KIAA1217: variants seen among roughly 807,000 people sequenced by gnomAD.
KIAA1217 encodes sickle tail protein homolog.
A neutral mutation model predicts 163.9 loss-of-function variants in KIAA1217; 88 were observed. That is an observed-to-expected ratio of 0.54 (90% confidence interval 0.45 to 0.64). The LOEUF is 0.64. Among genes scored for constraint, KIAA1217 ranks in the 30% least tolerant of loss-of-function variants. The pLI is 0.00. For missense variants in KIAA1217, 2,372 were observed against 2,475.0 expected (o/e 0.96, Z 0.88); for synonymous variants, 903 against 923.1 (o/e 0.98, Z 0.39).
chr10:23,941,105 G>A (rs1843746129), intron 1 of KIAA1217, among the ~76,000 whole-genome samples: 1 of 152,160 alleles, frequency 6.6e-6, no homozygotes, highest in Non-Finnish European at 1.5e-5. Flanking sequence ...TACTTACTTA[G>A]GCATGGGCAA....
chr10:24,298,282 T>C (rs1590726261), intron 2 of KIAA1217, among the ~76,000 whole-genome samples: 1 of 149,562 alleles, frequency 6.7e-6, no homozygotes, highest in South Asian at 2.1e-4. Flanking sequence ...TCCTTATTTG[T>C]TTAGAAATTT....
intron 6 of KIAA1217, chr10:24,481,890 A>G (rs560883592): frequency 1.3e-5 from 2 of 152,322 alleles, no homozygotes; most frequent in African/African-American, 4.8e-5. Flanking sequence ...AAGACCAACT[A>G]GTCTCTATCC....
At chr10:24,286,847 C>T (rs2078592007) in intron 2 of KIAA1217, among the ~76,000 whole-genome samples, 1 of 152,102 alleles carries the variant, frequency 6.6e-6, no homozygotes, top group Non-Finnish European at 1.5e-5. Context: ...AACAAAAATA[C>T]CCACACCCTC....
intron 1 of KIAA1217, among the ~76,000 whole-genome samples, chr10:23,907,710 C>G (rs1173337078): frequency 6.6e-6 from 1 of 152,004 alleles, no homozygotes; most frequent in Non-Finnish European, 1.5e-5. Context: ...CTCAGCCTAC[C>G]GACTCAAACG....
At chr10:23,996,297 C>A (rs1287607024) in intron 1 of KIAA1217, among the ~76,000 whole-genome samples, 1 of 152,136 alleles carries the variant, frequency 6.6e-6, no homozygotes, top group East Asian at 1.9e-4. Flanking sequence ...TGCTTATGCG[C>A]CTTCTTGCCT....
At chr10:23,938,904 C>A (rs1229448748) in intron 1 of KIAA1217, among the ~76,000 whole-genome samples, 1 of 152,214 alleles carries the variant, frequency 6.6e-6, no homozygotes, top group Non-Finnish European at 1.5e-5. Flanking sequence ...GGAAATATGA[C>A]CTGTAATGAG....
chr10:24,019,037 G>A (rs369635746), intron 2 of KIAA1217, among the ~76,000 whole-genome samples: 4 of 152,206 alleles, frequency 2.6e-5, no homozygotes, highest in Middle Eastern at 3.4e-3. Flanking sequence ...GTGGCTACCA[G>A]GGGCAGGGGT....
intron 2 of KIAA1217, among the ~76,000 whole-genome samples, chr10:24,292,895 G>C (rs776893403): frequency 8.5e-5 from 13 of 152,122 alleles, no homozygotes; most frequent in Non-Finnish European, 1.9e-4. Flanking sequence ...AAGGTGGCCT[G>C]AAATATGATC....
chr10:24,543,844 C>T lies in KIAA1217; in HGVS notation c.4574C>T (p.Ser1525Phe), dbSNP rs1238123227. The change falls in exon 19 of 21, where the codon TCC (serine) becomes TTC (phenylalanine). Residue 1525 changes from serine to phenylalanine, a missense_variant. Around this residue, in one of 3 missense-constraint regions of KIAA1217, gnomAD observed 690 missense variants for 677.5 expected, o/e 1.02. Coordinates refer to ENST00000376454, the MANE Select transcript of KIAA1217 (RefSeq NM_019590.5). ...GTGGAAACAAAGTCACAGCCACACT[C>T]CCTGGCCACAGAGACCAGAAACCCA... ...QQVETKSQPH[S>F]LATETRNPGG... is the part of the protein sequence containing the mutation. 2 of 1,613,902 alleles carry T rather than the reference C, an allele frequency of 1.2e-6. No homozygotes were observed. Among genetic ancestry groups the T allele is most frequent in the Non-Finnish European group, 1.7e-6 (2 of 1,180,022 alleles).
rs546664469 is a variant in KIAA1217 at position 24,501,594 on chromosome 10, C to T, written c.2001+49C>T. 2.0e-5 allele frequency: 32 copies of T among 1,562,770 alleles called. No individual in the cohort carries two copies. In the East Asian group the frequency reaches 3.6e-4, roughly 18 times the overall value. On this transcript the variant is annotated intron_variant, in intron 9 of 20. Transcript: ENST00000376454. ...CTGTCTCGGTTGCCCTGAGCTCTTC[C>T]TACCTTCCTTTTCCTAGGGGCTCCG...
chr10:24,031,710 T>A (rs1848194390), intron 2 of KIAA1217, among the ~76,000 whole-genome samples: 1 of 152,180 alleles, frequency 6.6e-6, no homozygotes. Flanking sequence ...TGTGTGGGTG[T>A]GTCAATTCTT....
chr10:24,061,640 C>G (rs936666576), intron 2 of KIAA1217, among the ~76,000 whole-genome samples: 12 of 152,282 alleles, frequency 7.9e-5, no homozygotes, highest in African/African-American at 2.9e-4. Context: ...TTTTGAAGAA[C>G]AGTTTTGACC....
chr10:23,870,806 A>G (rs1337790614), intron 1 of KIAA1217, among the ~76,000 whole-genome samples: 18 of 152,070 alleles, frequency 1.2e-4, no homozygotes, highest in Non-Finnish European at 1.5e-5. Context: ...CTTCTCTGCT[A>G]TGTCATCAGC....
chr10:24,264,521 C>T (rs139941538), intron 2 of KIAA1217, among the ~76,000 whole-genome samples: 10 of 152,082 alleles, frequency 6.6e-5, no homozygotes, highest in African/African-American at 2.4e-4. Context: ...AAAAAATACA[C>T]ACACAAACAG....
At chr10:24,345,979 C>T (rs1460526872) in intron 2 of KIAA1217, among the ~76,000 whole-genome samples, 4 of 152,198 alleles carry the variant, frequency 2.6e-5, no homozygotes, top group Non-Finnish European at 5.9e-5. Context: ...GCCATCCTCC[C>T]AGCCCCTGGC....
chr10:24,321,202 A>G (rs2044105478), intron 2 of KIAA1217, among the ~76,000 whole-genome samples: 1 of 152,164 alleles, frequency 6.6e-6, no homozygotes, highest in African/African-American at 2.4e-5. Context: ...AACTTGAGAT[A>G]TTTGTACATC....
intron 2 of KIAA1217, among the ~76,000 whole-genome samples, chr10:24,324,938 C>A (rs2044671206): frequency 6.6e-6 from 1 of 151,974 alleles, no homozygotes; most frequent in Non-Finnish European, 1.5e-5. Context: ...TCTTGGGTTG[C>A]CCATGAACTT....
chr10:24,015,597 A>T (rs1373808330), intron 2 of KIAA1217, among the ~76,000 whole-genome samples: 1 of 151,836 alleles, frequency 6.6e-6, no homozygotes, highest in African/African-American at 2.4e-5. Context: ...CTCTACTATA[A>T]ATGCAGAACT....
chr10:24,471,451 A>T (rs1057197962), intron 5 of KIAA1217, among the ~76,000 whole-genome samples: 2 of 151,500 alleles, frequency 1.3e-5, no homozygotes, highest in Admixed American at 1.3e-4. Context: ...AAAATATATG[A>T]AATCATCATA....
Sources: gnomAD v4.1 joint callset for allele counts (sites outside exome capture counted in the v4.1 genomes callset) on GRCh38, gnomAD v4.1.1 for gene constraint, gnomAD v4.1.1 regional missense constraint, MANE v1.5 for transcripts, NCBI Gene and HGNC (gene_info 2026-07-23, HGNC 2026-07-21) for gene names.